Variants in TMEM132B observed in about 807,000 individuals in gnomAD.
TMEM132B encodes the protein transmembrane protein 132B.
A neutral mutation model predicts 90.8 loss-of-function variants in TMEM132B; 18 were observed. The observed-to-expected ratio is 0.20, with a 90% CI of 0.14 to 0.29. The LOEUF is 0.29. Ranked by LOEUF, TMEM132B falls within the 10% of genes least tolerant of loss-of-function variation. The pLI is 1.00. For missense variants in TMEM132B, 1,096 were observed against 1,326.8 expected (o/e 0.83, Z 2.70); for synonymous variants, 504 against 523.3 (o/e 0.96, Z 0.50).
At position 125,284,210 on chromosome 12, in the gene TMEM132B, A is replaced by G. The variant is rs369286955; in HGVS notation, c.68-65242A>G. On this transcript the variant is annotated intron_variant, in intron 1 of 8. Coordinates refer to ENST00000682704, the MANE Select transcript of TMEM132B (RefSeq NM_001366854.1). The stretch of plus-strand genomic sequence containing the variant: ...ACATAGCTCAAAATTCAAAAGGGAT[A>G]CACTGATAATTCAGTCTCTCTTCCT... Among the ~76,000 whole-genome samples, 37 of 152,336 alleles carry G rather than the reference A, an allele frequency of 2.4e-4. No individual in the cohort carries two copies. In the East Asian group the frequency reaches 6.9e-3, roughly 29 times the overall value.
chr12:125,638,836 C>T (rs1886555127), intron 5 of TMEM132B, among the ~76,000 whole-genome samples: 1 of 152,116 alleles, frequency 6.6e-6, no homozygotes, highest in African/African-American at 2.4e-5. Context: ...ATCTGGAGAG[C>T]CCCTTTTAGC....
At position 125,483,378 on chromosome 12, in the gene TMEM132B, A is replaced by G. The variant is rs1882109959; in HGVS notation, c.1107-36061A>G. The stretch of plus-strand genomic sequence containing the variant: ...TGTATGTGTATACAGTCAGCCCATC[A>G]TATCTGTCTGTTCTGAATATGTGGA... On this transcript the variant is annotated intron_variant, in intron 3 of 8. Coordinates refer to ENST00000682704, the MANE Select transcript of TMEM132B (RefSeq NM_001366854.1). Among the ~76,000 whole-genome samples the G allele has an allele frequency of 2.0e-5, 3 of 152,212 alleles. No homozygotes were observed. In the South Asian group the frequency reaches 6.2e-4, roughly 32 times the overall value.
chr12:125,242,709 C>T (rs978992257), intron 1 of TMEM132B, among the ~76,000 whole-genome samples: 5 of 152,234 alleles, frequency 3.3e-5, no homozygotes, highest in African/African-American at 9.6e-5. Context: ...GCCTGCAGGC[C>T]TCCTTTGTCC....
rs1480177254 is a variant in TMEM132B at position 125,552,707 on chromosome 12, T to C, written c.1294-31144T>C. On this transcript the variant is annotated intron_variant, in intron 4 of 8. Transcript: ENST00000682704. Reference sequence around the variant, plus strand: ...TTCATTGTATCAGCTTTTTGCATGATGGTTTGACCGCATGATGTGGATAAC... The same window carrying C: ...TTCATTGTATCAGCTTTTTGCATGACGGTTTGACCGCATGATGTGGATAAC... Among the ~76,000 whole-genome samples the C allele has an allele frequency of 2.0e-5, 3 of 152,246 alleles. No individual in the cohort carries two copies. In the East Asian group the frequency reaches 5.8e-4, roughly 29 times the overall value.
chr12:125,355,906 C>G (rs937936039), intron 2 of TMEM132B, among the ~76,000 whole-genome samples: 3 of 152,074 alleles, frequency 2.0e-5, no homozygotes, highest in African/African-American at 7.2e-5. Context: ...TTCTCTAATA[C>G]CAAGATAGAT....
chr12:125,652,544 T>C lies in TMEM132B; in HGVS notation c.2018T>C (p.Met673Thr), dbSNP rs762647711. Residue 673 changes from methionine to threonine, a missense_variant, in exon 8 of 9, where the codon ATG (methionine) becomes ACG (threonine). Transcript: ENST00000682704. ...AELGVQLVAG[M>T]SLSLQPHRAD... is the part of the protein sequence containing the mutation. ...CTGGGAGTGCAGCTCGTAGCTGGCA[T>C]GTCTCTCTCCCTGCAGCCACACCGA... The C allele has an allele frequency of 2.9e-5, 46 of 1,613,738 alleles. No individual in the cohort carries two copies. Among genetic ancestry groups the C allele is most frequent in the Non-Finnish European group, 5.1e-6 (6 of 1,179,828 alleles).
intron 4 of TMEM132B, among the ~76,000 whole-genome samples, chr12:125,553,607 A>T (rs2136767526): frequency 6.6e-6 from 1 of 152,198 alleles, no homozygotes; most frequent in African/African-American, 2.4e-5. Flanking sequence ...TGTAGTGAAG[A>T]CTCATCCCAG....
At chr12:125,196,260 A>C (rs769916850) in intron 1 of TMEM132B, among the ~76,000 whole-genome samples, 7 of 152,226 alleles carry the variant, frequency 4.6e-5, no homozygotes, top group Non-Finnish European at 1.0e-4. Flanking sequence ...TGTACTTGGA[A>C]TTGGGACCAA....
chr12:125,507,856 G>A (rs1243393993), intron 3 of TMEM132B, among the ~76,000 whole-genome samples: 5 of 152,204 alleles, frequency 3.3e-5, no homozygotes, highest in Non-Finnish European at 4.4e-5. Context: ...TGGCTGCTGT[G>A]TGGAGAGAAG....
chr12:125,463,165 C>T (rs572604652), intron 3 of TMEM132B, among the ~76,000 whole-genome samples: 7 of 152,360 alleles, frequency 4.6e-5, no homozygotes, highest in African/African-American at 1.4e-4. Context: ...TGATCCTCTC[C>T]TGACAGACTG....
rs1354120478 is a variant in TMEM132B at position 125,658,688 on chromosome 12, A to G, written c.*3978A>G. 6.6e-6 allele frequency: 1 copy of G among 152,250 alleles called. No individual in the cohort carries two copies. The highest frequency in any genetic ancestry group is 2.4e-5 in the African/African-American group (1 of 41,456). The allele number at this position is 152,250 out of a possible 1,614,324, so 9.4% of individuals were successfully genotyped here. A position where few individuals can be genotyped will look rare whatever the true frequency, so the allele number is the denominator to read the frequency against. On this transcript the variant is annotated 3_prime_UTR_variant, in exon 9 of 9. Transcript: ENST00000682704. ...TTTTGTATGTAATATAGGCAATATA[A>G]TGAAACACCGAGTTTTTTAAAGTGA...
chr12:125,510,925 T>G (rs1171355251), intron 3 of TMEM132B, among the ~76,000 whole-genome samples: 3 of 152,380 alleles, frequency 2.0e-5, no homozygotes, highest in African/African-American at 7.2e-5. Context: ...GAGCATGCCA[T>G]GTAATTCATC....
intron 1 of TMEM132B, among the ~76,000 whole-genome samples, chr12:125,270,597 C>T (rs1424338579): frequency 6.6e-6 from 1 of 152,160 alleles, no homozygotes; most frequent in Non-Finnish European, 1.5e-5. Flanking sequence ...CTTGGGATTC[C>T]CTCCTGCTGA....
At chr12:125,573,883 A>G (rs1226266771) in intron 4 of TMEM132B, among the ~76,000 whole-genome samples, 1 of 152,172 alleles carries the variant, frequency 6.6e-6, no homozygotes, top group Non-Finnish European at 1.5e-5. Context: ...ATCCTTATGA[A>G]TTCTTTGGAA....
chr12:125,469,159 T>C (rs1389619253), intron 3 of TMEM132B, among the ~76,000 whole-genome samples: 6 of 152,236 alleles, frequency 3.9e-5, no homozygotes, highest in African/African-American at 1.4e-4. Flanking sequence ...TTGTTCCAGA[T>C]CTTGGAGGAA....
At chr12:125,188,864 A>AG (rs1565970805) in intron 1 of TMEM132B, among the ~76,000 whole-genome samples, 2 of 148,118 alleles carry the variant, frequency 1.4e-5, no homozygotes, top group Non-Finnish European at 3.0e-5. Context: ...AAAAAAAAAA[A>AG]AAAAAAAAAG....
In TMEM132B at chr12:125,365,339, G is replaced by A. The variant is rs187754160; in HGVS notation, c.959+14996G>A. Among the ~76,000 whole-genome samples the A allele has an allele frequency of 2.3e-3, 354 of 152,032 alleles. 3 individuals carry two copies. The highest frequency in any genetic ancestry group is 7.9e-3 in the African/African-American group (330 of 41,514). On this transcript the variant is annotated intron_variant, in intron 2 of 8. Coordinates refer to ENST00000682704, the MANE Select transcript of TMEM132B (RefSeq NM_001366854.1). ...CACTTAACCATCCCATGTCCTTTAT[G>A]TTAATGTTACTTTGTATAATTACAT...
chr12:125,236,919 G>T (rs1873950353), intron 1 of TMEM132B, among the ~76,000 whole-genome samples: 1 of 152,252 alleles, frequency 6.6e-6, no homozygotes, highest in South Asian at 2.1e-4. Context: ...GTGCTTGCAG[G>T]CAGGATGGTG....
chr12:125,357,687 G>A (rs1283825952), intron 2 of TMEM132B, among the ~76,000 whole-genome samples: 6 of 152,204 alleles, frequency 3.9e-5, no homozygotes, highest in Admixed American at 3.9e-4. Flanking sequence ...ATGTGCTATG[G>A]AGAGGCCAGG....
Sources: allele counts gnomAD v4.1 joint callset (sites outside exome capture counted in the v4.1 genomes callset), GRCh38; gene constraint gnomAD v4.1.1; transcripts MANE v1.5; gene names NCBI Gene and HGNC (gene_info 2026-07-23, HGNC 2026-07-21).